The following MBNL2 variants were observed in gnomAD, a reference collection of about 807,000 sequenced individuals.
MBNL2 encodes the protein muscleblind like splicing regulator 2.
In MBNL2, 17 loss-of-function variants were observed where a neutral mutation model predicts 41.9. The ratio of observed to expected loss-of-function variants is 0.41; its 90% CI spans 0.28 to 0.61. MBNL2 has a LOEUF of 0.61. MBNL2 is among the 20% of genes least tolerant of loss of function. MBNL2 has a pLI of 0.35. For synonymous variants in MBNL2, 195 were observed against 182.9 expected (o/e 1.07, Z -0.53); for missense variants, 336 against 505.6 (o/e 0.66, Z 3.22).
At chr13:97,354,475 A>G (rs2153102443) in intron 5 of MBNL2, among the ~76,000 whole-genome samples, 1 of 152,306 alleles carries the variant, frequency 6.6e-6, no homozygotes, top group East Asian at 1.9e-4. Context: ...GTTTACTTTA[A>G]AAGGAGAGAT....
chr13:97,211,531 C>A, the MBNL2 span, among the ~76,000 whole-genome samples: 1 of 152,152 alleles, frequency 6.6e-6, no homozygotes, highest in Non-Finnish European at 1.5e-5. Context: ...TTTCATTAAG[C>A]CTTCTAAATG....
At chr13:97,351,974 A>AG (rs1193156573) in intron 5 of MBNL2, among the ~76,000 whole-genome samples, 2 of 152,076 alleles carry the variant, frequency 1.3e-5, no homozygotes, top group Non-Finnish European at 2.9e-5. Flanking sequence ...CAGTAAACTG[A>AG]GGTCATGCCA....
intron 2 of MBNL2, among the ~76,000 whole-genome samples, chr13:97,282,275 G>A (rs1414086850): frequency 6.6e-6 from 1 of 151,954 alleles, no homozygotes; most frequent in South Asian, 2.1e-4. Flanking sequence ...GGATTGATTT[G>A]GCCCAGGAGG....
chr13:97,259,799 A>G (rs2048266394), intron 1 of MBNL2, among the ~76,000 whole-genome samples: 1 of 152,210 alleles, frequency 6.6e-6, no homozygotes, highest in Admixed American at 6.5e-5. Flanking sequence ...ACAGCGGTTG[A>G]GAAAGATTTC....
chr13:97,305,232 T>A (rs549579143), intron 2 of MBNL2, among the ~76,000 whole-genome samples: 1 of 152,260 alleles, frequency 6.6e-6, no homozygotes, highest in Non-Finnish European at 1.5e-5. Flanking sequence ...TATTTTTAGA[T>A]GAATTACTCT....
At chr13:97,204,780 G>A in the MBNL2 span, among the ~76,000 whole-genome samples, 19 of 152,172 alleles carry the variant, frequency 1.2e-4, no homozygotes, top group Admixed American at 2.0e-4. Context: ...TGTAATTGTC[G>A]TCTATTAGGT....
chr13:97,230,258 A>G (rs1343407809), intron 1 of MBNL2, among the ~76,000 whole-genome samples: 5 of 152,232 alleles, frequency 3.3e-5, no homozygotes, highest in African/African-American at 4.8e-5. Context: ...AGGTCACGCC[A>G]TTGCAGAAAT....
the MBNL2 span, among the ~76,000 whole-genome samples, chr13:97,164,752 A>G: frequency 6.6e-6 from 1 of 152,130 alleles, no homozygotes; most frequent in Non-Finnish European, 1.5e-5. Flanking sequence ...TGCCAAGGGG[A>G]AAAATGTCTC....
At chr13:97,356,934 CA>C in intron 6 of MBNL2, 85 bp downstream of exon 6, 1 of 776,286 alleles carries the variant, frequency 1.3e-6, no homozygotes, top group Non-Finnish European at 1.9e-6. Context: ...ATACTGGTTG[CA>C]AACAATCATT....
At chr13:97,326,772 C>G (rs2059939841) in intron 2 of MBNL2, among the ~76,000 whole-genome samples, 2 of 152,226 alleles carry the variant, frequency 1.3e-5, no homozygotes, top group African/African-American at 4.8e-5. Context: ...TAATCTGTCA[C>G]TTGCCTTAGA....
the MBNL2 span, among the ~76,000 whole-genome samples, chr13:97,194,615 G>A: frequency 6.6e-6 from 1 of 152,162 alleles, no homozygotes; most frequent in Non-Finnish European, 1.5e-5. Flanking sequence ...TACAGGATGA[G>A]ATAGGTCAGC....
chr13:97,370,769 A>C (rs1275957326), intron 8 of MBNL2, among the ~76,000 whole-genome samples: 4 of 152,170 alleles, frequency 2.6e-5, no homozygotes, highest in South Asian at 2.1e-4. Flanking sequence ...TTTTTATAGA[A>C]GTAAGATAAC....
chr13:97,163,095 G>A, the MBNL2 span, among the ~76,000 whole-genome samples: 9 of 152,146 alleles, frequency 5.9e-5, no homozygotes, highest in Non-Finnish European at 1.3e-4. Flanking sequence ...CAAAGAATGT[G>A]CTGTGTGCTT....
At chr13:97,146,862 A>T in the MBNL2 span, among the ~76,000 whole-genome samples, 1 of 152,176 alleles carries the variant, frequency 6.6e-6, no homozygotes, top group Non-Finnish European at 1.5e-5. Context: ...TTTCCCTCTC[A>T]AGAAAAACCA....
intron 3 of MBNL2, among the ~76,000 whole-genome samples, chr13:97,336,520 G>A (rs2060899655): frequency 6.6e-6 from 1 of 152,146 alleles, no homozygotes; most frequent in Non-Finnish European, 1.5e-5. Context: ...AAGAGAGAGG[G>A]AGAGTTAGCA....
intron 8 of MBNL2, among the ~76,000 whole-genome samples, chr13:97,369,304 C>T (rs1489218188): frequency 1.3e-5 from 2 of 152,152 alleles, no homozygotes; most frequent in Non-Finnish European, 2.9e-5. Flanking sequence ...CATAATGAAT[C>T]TCAGTTTCCT....
the MBNL2 span, among the ~76,000 whole-genome samples, chr13:97,146,548 C>A: frequency 6.6e-6 from 1 of 152,120 alleles, no homozygotes; most frequent in Non-Finnish European, 1.5e-5. Flanking sequence ...AACAAAAGAC[C>A]TATGGAGAGG....
intron 3 of MBNL2, among the ~76,000 whole-genome samples, chr13:97,341,058 G>T (rs898807424): frequency 4.6e-5 from 7 of 152,172 alleles, no homozygotes; most frequent in African/African-American, 1.4e-4. Context: ...ATGGCAGTAT[G>T]GGGGAGGGCT....
At chr13:97,330,182 A>G (rs2060312260) in intron 2 of MBNL2, among the ~76,000 whole-genome samples, 1 of 152,216 alleles carries the variant, frequency 6.6e-6, no homozygotes, top group South Asian at 2.1e-4. Context: ...ATGAGATCGT[A>G]GCCTGGAAGT....
Sources: gnomAD v4.1 joint callset for allele counts (sites outside exome capture counted in the v4.1 genomes callset) on GRCh38, gnomAD v4.1.1 for gene constraint, MANE v1.5 for transcripts, NCBI Gene and HGNC (gene_info 2026-07-23, HGNC 2026-07-21) for gene names.